Variants in CRLF2 observed in about 807,000 individuals in gnomAD.
CRLF2 encodes cytokine receptor-like factor 2.
Under a neutral mutation model 38.7 loss-of-function variants are expected in CRLF2, and 41 were observed. That is an observed-to-expected ratio of 1.06 (90% confidence interval 0.83 to 1.37). The LOEUF is 1.37. CRLF2 is among the 40% of genes most tolerant of loss of function. The pLI, the probability that CRLF2 is intolerant of heterozygous loss-of-function variation, is 0.00. For synonymous variants in CRLF2, 140 were observed against 128.8 expected, an observed-to-expected ratio of 1.09 and a Z score of -0.59; for missense variants, 377 against 322.2, an observed-to-expected ratio of 1.17 and a Z score of -1.30.
intron 3 of CRLF2, among the ~76,000 whole-genome samples, chrX:1,204,609 C>T (rs2086661380): frequency 6.6e-6 from 1 of 150,870 alleles, no homozygotes; most frequent in African/African-American, 2.4e-5. Context: ...CAGCCTCCGC[C>T]TCCCGGGTTC....
At chrX:1,209,468 G>A (rs113914011) in intron 1 of CRLF2, among the ~76,000 whole-genome samples, 3,383 of 151,092 alleles carry the variant, frequency 0.022, 56 homozygotes, top group Non-Finnish European at 0.032. Context: ...AGTAGCTGGG[G>A]CTACAGGTGC....
rs1439309348 is a variant in CRLF2, at chrX:1,193,322, C to T, written c.768-20G>A. 0.93 allele frequency: 371,477 copies of T among 398,380 alleles called. 173,379 individuals are homozygous for T. Among genetic ancestry groups the T allele is most frequent in the East Asian group, 1 (27,991 of 28,004 alleles). The allele number at this position is 398,380 out of a possible 1,614,324, so 24.7% of individuals were successfully genotyped here. On this transcript the variant is annotated intron_variant, in intron 6 of 7. Transcript: ENST00000400841. ...TTCACTCTGAAATAGAGACGGAGAG[C>T]GTGGTCAGGTCGGCCACAGCCCCGC... is the stretch of plus-strand genomic sequence containing the variant.
At position 1,207,684 on chromosome X, in the gene CRLF2, GTC is replaced by G. The variant is rs1328572168; in HGVS notation, c.183-1087_183-1086del. On this transcript the variant is annotated intron_variant, in intron 2 of 7. Transcript: ENST00000400841. ...TTTGTTTTGTTTTGTTTTTGAGACA[GTC>G]TCGCTCTGTCGGCCAGGCTGGAGTG... is the stretch of plus-strand genomic sequence containing the variant. Among the ~76,000 whole-genome samples, 3 of 150,096 alleles carry G rather than the reference GTC, an allele frequency of 2.0e-5. 1 individual carries two copies. Among genetic ancestry groups the G allele is most frequent in the African/African-American group, 7.4e-5 (3 of 40,756 alleles).
chrX:1,198,231 TCCCTCCCACCTC>T (rs2086530187), intron 5 of CRLF2, among the ~76,000 whole-genome samples: 40 of 99,732 alleles, frequency 4.0e-4, no homozygotes, highest in African/African-American at 7.7e-4. Context: ...CAGGACACCC[TCCCTCCCACCTC>T]CCAGGAAGGC....
intron 4 of CRLF2, among the ~76,000 whole-genome samples, chrX:1,200,420 G>C (rs1180778627): frequency 9.3e-6 from 1 of 107,968 alleles, no homozygotes; most frequent in African/African-American, 3.1e-5. Context: ...TATAAGCTGT[G>C]TATATGTGTG....
chrX:1,196,269 G>T (rs1355289177), intron 6 of CRLF2, among the ~76,000 whole-genome samples: 3 of 147,586 alleles, frequency 2.0e-5, no homozygotes, highest in Non-Finnish European at 4.5e-5. Flanking sequence ...CTCACAGCAA[G>T]CTCCGACTCC....
chrX:1,196,521 C>T (rs1269311569), intron 6 of CRLF2, among the ~76,000 whole-genome samples: 1 of 151,644 alleles, frequency 6.6e-6, no homozygotes, highest in East Asian at 1.9e-4. Context: ...TGGGATTTCA[C>T]CATATTGGCC....
At chrX:1,192,324 C>A (rs1410292754) in intron 7 of CRLF2, among the ~76,000 whole-genome samples, 1 of 151,370 alleles carries the variant, frequency 6.6e-6, no homozygotes, top group Non-Finnish European at 1.5e-5. Flanking sequence ...GCATTAAAAT[C>A]AACACATAGG....
At chrX:1,195,219 A>G (rs1169893252) in intron 6 of CRLF2, among the ~76,000 whole-genome samples, 1 of 151,908 alleles carries the variant, frequency 6.6e-6, no homozygotes, top group African/African-American at 2.4e-5. Context: ...TAAATAAATC[A>G]ATAAATAAGA....
chrX:1,209,294 TTGTAGTGTAGTGTAG>T (rs774118469), intron 1 of CRLF2, among the ~76,000 whole-genome samples: 3,372 of 142,488 alleles, frequency 0.024, 93 homozygotes, highest in African/African-American at 0.068. Flanking sequence ...TTGCATTGTA[TTGTAGTGTAGTGTAG>T]TGTAGTGTAG....
intron 7 of CRLF2, among the ~76,000 whole-genome samples, chrX:1,191,656 T>C (rs1274046185): frequency 0.87 from 130,832 of 151,086 alleles, 56,997 homozygotes; most frequent in East Asian, 0.96. Context: ...CTCAGCCTCC[T>C]GAGTAGCTGG....
chrX:1,196,866 T>C lies in CRLF2; in HGVS notation c.681A>G (p.Pro227=), dbSNP rs764645236. The C allele has an allele frequency of 6.2e-7, 1 of 1,613,564 alleles. No homozygotes were observed. Among genetic ancestry groups the C allele is most frequent in the South Asian group, 1.1e-5 (1 of 91,062 alleles). ...AAATTAAAATAAATTTGGACAGCTT[T>C]GGTTTGGGAGGCGTTGGTGTCTCTG... The part of the protein sequence containing the change: ...ACAETPTPPK[P]KLSKFILISS... Residue 227 remains proline, a synonymous_variant, in exon 6 of 8, where the codon CCA becomes CCG. Transcript: ENST00000400841.
rs752506830 is a variant in CRLF2 at position 1,198,538 on chromosome X, A to T, written c.646+24T>A. On this transcript the variant is annotated intron_variant, in intron 5 of 7. Coordinates refer to ENST00000400841, the MANE Select transcript of CRLF2 (RefSeq NM_022148.4). ...TCCAGCCTGGTGACAAGGCTATGGG[A>T]CACTGCCGCGTAACAAGCATTACCC... 1.9e-6 allele frequency: 3 copies of T among 1,612,384 alleles called. No individual in the cohort carries two copies. The African/African-American group carries it at 4.0e-5, about 22-fold the overall frequency.
In CRLF2 at chrX:1,190,901, A is replaced by G. The variant is rs1439701060; in HGVS notation, c.1112T>C (p.Leu371Ser). ...FVMNDRSYVA[L>S] ...ACTTTGACAGTGGTGTGTCCATCAC[A>G]ACGCCACGTAGGAGCGGTCATTCAT... Residue 371 changes from leucine to serine, a missense_variant, in exon 8 of 8, where the codon TTG (leucine) becomes TCG (serine). Coordinates refer to ENST00000400841, the MANE Select transcript of CRLF2 (RefSeq NM_022148.4). 5.0e-6 allele frequency: 2 copies of G among 398,588 alleles called. No individual in the cohort carries two copies. Among genetic ancestry groups the G allele is most frequent in the Non-Finnish European group, 8.8e-6 (2 of 226,114 alleles). 24.7% of individuals were successfully genotyped at this position (398,588 alleles called of 1,614,324 possible).
At chrX:1,210,323 T>C (rs1478703880) in intron 1 of CRLF2, among the ~76,000 whole-genome samples, 3 of 152,016 alleles carry the variant, frequency 2.0e-5, no homozygotes, top group African/African-American at 7.2e-5. Flanking sequence ...AGTCTCTTTT[T>C]TTTATTTTGA....
At chrX:1,192,210 A>C (rs1156563754) in intron 7 of CRLF2, among the ~76,000 whole-genome samples, 5 of 120,650 alleles carry the variant, frequency 4.1e-5, no homozygotes, top group South Asian at 5.5e-4. Context: ...GTCTCAAAAA[A>C]AAAAAAAAAA....
At chrX:1,208,715 T>G in intron 2 of CRLF2, 91 bp downstream of exon 2, 1 of 820,410 alleles carries the variant, frequency 1.2e-6, no homozygotes, top group East Asian at 2.4e-5. Flanking sequence ...TGCTTTACAC[T>G]TTTGTTCTCA....
rs1418506791 is a variant in CRLF2, at chrX:1,194,238, C to T, written c.768-936G>A. Among the ~76,000 whole-genome samples, 160 of 151,374 alleles carry T rather than the reference C, an allele frequency of 1.1e-3. 1 individual carries two copies. The highest frequency in any genetic ancestry group is 3.5e-3 in the African/African-American group (146 of 41,242). ...CTGGGAGGCGGAGACTGCAGTGATC[C>T]AAGATCACACCAGTGCTCTCCAGCC... On this transcript the variant is annotated intron_variant, in intron 6 of 7. Coordinates refer to ENST00000400841, the MANE Select transcript of CRLF2 (RefSeq NM_022148.4).
chrX:1,197,649 A>G (rs1168850515), intron 5 of CRLF2, among the ~76,000 whole-genome samples: 2 of 151,770 alleles, frequency 1.3e-5, no homozygotes, highest in African/African-American at 4.8e-5. Flanking sequence ...CGCCATCCCT[A>G]CTAAAAATAC....
Sources: allele counts gnomAD v4.1 joint callset (sites outside exome capture counted in the v4.1 genomes callset), GRCh38; gene constraint gnomAD v4.1.1; transcripts MANE v1.5; gene names NCBI Gene and HGNC (gene_info 2026-07-23, HGNC 2026-07-21).